HEG1: variants seen among roughly 807,000 people sequenced by gnomAD.
HEG1 encodes heart development protein with EGF like domains 1.
HEG1 carries 56 observed loss-of-function variants against 125.6 expected under a neutral mutation model. That is an observed-to-expected ratio of 0.45 (90% CI 0.36 to 0.56). The LOEUF (loss-of-function observed/expected upper bound fraction) is 0.56, where lower values mean the gene tolerates loss of function less well. HEG1 is among the 20% of genes least tolerant of loss of function. The pLI, the probability that HEG1 is intolerant of heterozygous loss-of-function variation, is 0.00. For missense variants in HEG1, 1,523 were observed against 1,670.0 expected, an observed-to-expected ratio of 0.91 and a Z score of 1.53; for synonymous variants, 644 against 668.5, an observed-to-expected ratio of 0.96 and a Z score of 0.57.
chr3:124,978,408 A>G (rs1429454662), intron 14 of HEG1, among the ~76,000 whole-genome samples: 2 of 152,050 alleles, frequency 1.3e-5, no homozygotes, highest in Non-Finnish European at 2.9e-5. Flanking sequence ...CGGCCTCCCA[A>G]AGTTCTGGGA....
chr3:124,982,144 C>T (rs1415438860), intron 14 of HEG1, among the ~76,000 whole-genome samples: 4 of 152,186 alleles, frequency 2.6e-5, no homozygotes, highest in Non-Finnish European at 5.9e-5. Context: ...TCATGATCCG[C>T]CTGCCTCGGC....
At position 125,029,296 on chromosome 3, in the gene HEG1, C is replaced by T. The variant is rs763916550; in HGVS notation, c.509G>A (p.Arg170Lys). 4.3e-6 allele frequency: 7 copies of T among 1,613,976 alleles called. No homozygotes were observed. The highest frequency in any genetic ancestry group is 5.9e-6 in the Non-Finnish European group (7 of 1,179,866). Residue 170 changes from arginine (R) to lysine (K), a missense_variant, in exon 2 of 17, where the codon AGA becomes AAA. By Grantham distance (26) the Arg-to-Lys change is conservative (BLOSUM62 2). Coordinates refer to ENST00000311127, the MANE Select transcript of HEG1 (RefSeq NM_020733.2). ...LTLLAETADA[R>K]GRSGSSSRTN... is the part of the protein sequence containing the mutation. ...TCTACTTGAAGAGCCGCTCCTTCCT[C>T]TAGCATCTGCTGTTTCAGCGAGTAG...
chr3:124,978,565 T>G, intron 14 of HEG1, among the ~76,000 whole-genome samples: 1 of 152,218 alleles, frequency 6.6e-6, no homozygotes, highest in East Asian at 1.9e-4. Context: ...ATGTGAGTTA[T>G]GAGTTTTTTA....
chr3:125,046,917 G>C (rs534003911), intron 1 of HEG1, among the ~76,000 whole-genome samples: 14 of 152,292 alleles, frequency 9.2e-5, no homozygotes, highest in Admixed American at 7.8e-4. Context: ...ATTTTCAAAG[G>C]CTTCTTATTT....
Position 125,055,559 on chromosome 3 carries a change from C to T in HEG1, c.316+16G>A, listed in dbSNP as rs575343272. The T allele has an allele frequency of 2.5e-6, 3 of 1,201,564 alleles. No individual in the cohort carries two copies. Among genetic ancestry groups the T allele is most frequent in the Non-Finnish European group, 3.1e-6 (3 of 967,858 alleles). 74.4% of individuals were successfully genotyped at this position (1,201,564 alleles called of 1,614,324 possible). On this transcript the variant is annotated intron_variant, in intron 1 of 16. Transcript: ENST00000311127. ...GCACAGACTGGCCAGGCGCCAGGTT[C>T]CCGGCTCTCACTCACCCGCGCTCCC...
chr3:124,991,576 C>T (rs1252313704), intron 12 of HEG1, among the ~76,000 whole-genome samples: 2 of 152,178 alleles, frequency 1.3e-5, no homozygotes, highest in Non-Finnish European at 2.9e-5. Flanking sequence ...TAGTACAGGT[C>T]TGGTACATAG....
intron 5 of HEG1, among the ~76,000 whole-genome samples, chr3:125,016,260 A>G (rs1560026613): frequency 6.6e-6 from 1 of 152,210 alleles, no homozygotes; most frequent in Admixed American, 6.5e-5. Context: ...AGAACTCTAA[A>G]AGGCCGGAGT....
chr3:125,037,824 G>T (rs185830408), intron 1 of HEG1, among the ~76,000 whole-genome samples: 2 of 152,318 alleles, frequency 1.3e-5, no homozygotes, highest in African/African-American at 4.8e-5. Context: ...GACCATGTAG[G>T]TTAGACTTCT....
intron 16 of HEG1, chr3:124,971,044 T>C (rs910546432): frequency 3.3e-6 from 2 of 598,170 alleles, no homozygotes; most frequent in Non-Finnish European, 6.2e-6. Context: ...GGAACTGACC[T>C]TTATAAGGTC....
At position 124,967,265 on chromosome 3, in the gene HEG1, T is replaced by C. The variant is rs1463548363; in HGVS notation, c.*3387A>G. 1 of 152,174 alleles carries C rather than the reference T, an allele frequency of 6.6e-6. No individual in the cohort carries two copies. Among genetic ancestry groups the C allele is most frequent in the Non-Finnish European group, 1.5e-5 (1 of 68,042 alleles). 9.4% of individuals were successfully genotyped at this position (152,174 alleles called of 1,614,324 possible). ...TTACCACGGGAACAAGGCAAGCAGC[T>C]CTCAGATGGATGTGTATGTCTGACT... On this transcript the variant is annotated 3_prime_UTR_variant, in exon 17 of 17. Coordinates refer to ENST00000311127, the MANE Select transcript of HEG1 (RefSeq NM_020733.2).
chr3:125,026,286 G>A (rs1247310540), intron 3 of HEG1, among the ~76,000 whole-genome samples: 1 of 152,156 alleles, frequency 6.6e-6, no homozygotes, highest in African/African-American at 2.4e-5. Flanking sequence ...TTGTTCTTGG[G>A]CGAGGGGGAA....
At chr3:125,019,161 C>T in intron 5 of HEG1, 101 bp downstream of exon 5, 1 of 1,000,026 alleles carries the variant, frequency 1.0e-6, no homozygotes, top group Non-Finnish European at 1.5e-6. Context: ...AGCCACCACG[C>T]TAGGCCCTCA....
intron 14 of HEG1, among the ~76,000 whole-genome samples, chr3:124,980,121 T>C (rs535159496): frequency 6.6e-6 from 1 of 152,350 alleles, no homozygotes; most frequent in East Asian, 1.9e-4. Flanking sequence ...CTCTTGAATT[T>C]ATCCACTTTT....
chr3:124,993,629 TC>T (rs1936868454), intron 12 of HEG1, among the ~76,000 whole-genome samples: 1 of 152,162 alleles, frequency 6.6e-6, no homozygotes, highest in African/African-American at 2.4e-5. Context: ...CAGTGACTCC[TC>T]CCCACCCATC....
chr3:125,052,964 A>T (rs1163979672), intron 1 of HEG1, among the ~76,000 whole-genome samples: 1 of 152,216 alleles, frequency 6.6e-6, no homozygotes, highest in Non-Finnish European at 1.5e-5. Flanking sequence ...TGCTGACATC[A>T]GTGTATTTGG....
chr3:124,980,881 G>T (rs1378612519), intron 14 of HEG1, among the ~76,000 whole-genome samples: 1 of 149,876 alleles, frequency 6.7e-6, no homozygotes, highest in African/African-American at 2.5e-5. Flanking sequence ...TTTGAGACAG[G>T]TCTCACTATG....
intron 1 of HEG1, among the ~76,000 whole-genome samples, chr3:125,043,910 G>A (rs1041754526): frequency 2.6e-5 from 4 of 152,172 alleles, no homozygotes; most frequent in Non-Finnish European, 5.9e-5. Context: ...GGGAGGAAAC[G>A]GGCCTGCTCC....
intron 3 of HEG1, among the ~76,000 whole-genome samples, chr3:125,021,572 A>C (rs1937336228): frequency 6.6e-6 from 1 of 152,254 alleles, no homozygotes; most frequent in Non-Finnish European, 1.5e-5. Context: ...AAAATGAATA[A>C]AAGTGAAGCT....
chr3:125,012,628 G>A lies in HEG1; in HGVS notation c.2951C>T (p.Ala984Val), dbSNP rs1455668998. ...CTTGTGTGACTGTGTTTTACCTGAG[G>A]CTGAAGAGGACACTGTTGTTGGTGA... ...TQSPTTVSSS[A>V]SVNSCAVNPC... is the part of the protein sequence containing the mutation. Residue 984 changes from alanine to valine, a missense_variant, in exon 6 of 17, where the codon GCC (alanine) becomes GTC (valine). Coordinates refer to ENST00000311127, the MANE Select transcript of HEG1 (RefSeq NM_020733.2). 1 of 1,612,188 alleles carries A rather than the reference G, an allele frequency of 6.2e-7. No individual in the cohort carries two copies. Among genetic ancestry groups the A allele is most frequent in the African/African-American group, 1.3e-5 (1 of 74,914 alleles).
Sources: allele counts gnomAD v4.1 joint callset (sites outside exome capture counted in the v4.1 genomes callset), GRCh38; gene constraint gnomAD v4.1.1; transcripts MANE v1.5; gene names NCBI Gene and HGNC (gene_info 2026-07-23, HGNC 2026-07-21).